Variants in CCL14 observed in about 807,000 individuals in gnomAD.
CCL14 encodes C-C motif chemokine ligand 14.
CCL14 carries 8 observed loss-of-function variants against 8.2 expected under a neutral mutation model. The observed-to-expected ratio is 0.98, with a 90% CI of 0.57 to 1.76. The LOEUF (loss-of-function observed/expected upper bound fraction) is 1.76, where lower values mean the gene tolerates loss of function less well. CCL14 is among the 40% of genes most tolerant of loss of function. The pLI, the probability that CCL14 is intolerant of heterozygous loss-of-function variation, is 0.00. For synonymous variants in CCL14, 50 were observed against 43.2 expected (o/e 1.16, Z -0.62); for missense variants, 127 against 118.3 (o/e 1.07, Z -0.34).
intron 1 of CCL14, 48 bp downstream of exon 1, chr17:35,986,523 T>G (rs2089773492): frequency 6.7e-7 from 1 of 1,492,420 alleles, no homozygotes. Context: ...CTCCTGCTTA[T>G]TTCCCTGCAG....
intron 1 of CCL14, 46 bp from the exon 2 acceptor site, chr17:35,984,498 G>C (rs911919263): frequency 1.6e-6 from 2 of 1,256,438 alleles, no homozygotes; most frequent in Non-Finnish European, 2.3e-6. Context: ...CTTGTTAAAG[G>C]CCATACCATT....
Position 35,983,806 on chromosome 17 carries a change from TCTC to T in CCL14, c.274_276del (p.Glu92del), listed in dbSNP as rs767346222. The T allele has an allele frequency of 1.9e-6, 3 of 1,612,306 alleles. No individual in the cohort carries two copies. The highest frequency in any genetic ancestry group is 2.2e-5 in the South Asian group (2 of 91,020). ...CGCCACCCCTTCTGGGTCACTCAGT[TCTC>T]CTTCATGTCCTTGATATAGTCCTGG... On this transcript the variant is annotated inframe_deletion, in exon 3 of 3. Transcript: ENST00000618404.
rs144484477 is a variant in CCL14 at position 35,985,668 on chromosome 17, C to T, written c.79+903G>A. On this transcript the variant is annotated intron_variant, in intron 1 of 2. Coordinates refer to ENST00000618404, the MANE Select transcript of CCL14 (RefSeq NM_032963.4). Reference sequence around the variant, plus strand: ...GGGCCCCTGTTTCCTGAGACCCAGTCAGAGCTCCTATACTCTCCCACCTTG... The same window carrying T: ...GGGCCCCTGTTTCCTGAGACCCAGTTAGAGCTCCTATACTCTCCCACCTTG... The T allele has an allele frequency of 4.1e-4, 521 of 1,261,852 alleles. 5 individuals are homozygous for T. In the African/African-American group the frequency reaches 7.0e-3, roughly 17 times the overall value. The allele number at this position is 1,261,852 out of a possible 1,614,324, so 78.2% of individuals were successfully genotyped here.
At chr17:35,984,978 C>T (rs2089740449) in intron 1 of CCL14, 1 of 173,716 alleles carries the variant, frequency 5.8e-6, no homozygotes, top group African/African-American at 2.4e-5. Context: ...AGCAGGATGC[C>T]CACAGCAAGC....
In CCL14 at chr17:35,985,589, T is replaced by A. The variant is rs180746451; in HGVS notation, c.79+982A>T. 9.7e-4 allele frequency: 626 copies of A among 645,782 alleles called. 4 individuals carry two copies. In the African/African-American group the frequency reaches 0.01, roughly 10 times the overall value. 40.0% of individuals were successfully genotyped at this position (645,782 alleles called of 1,614,324 possible). On this transcript the variant is annotated intron_variant, in intron 1 of 2. Coordinates refer to ENST00000618404, the MANE Select transcript of CCL14 (RefSeq NM_032963.4). ...ATGTCTGGGTGGAAGGGTCTCATCCTGTTTTCCAGCTCCATTCCAGGCAGC... is the reference window on the plus strand; with the variant it reads ...ATGTCTGGGTGGAAGGGTCTCATCCAGTTTTCCAGCTCCATTCCAGGCAGC...
rs1431832421 is a variant in CCL14, at chr17:35,983,635, G to A, written c.*166C>T. 1.8e-5 allele frequency: 11 copies of A among 610,708 alleles called. 1 individual carries two copies. Among genetic ancestry groups the A allele is most frequent in the South Asian group, 4.0e-5 (2 of 49,600 alleles). 37.8% of individuals were successfully genotyped at this position (610,708 alleles called of 1,614,324 possible). ...AGTGCATGGCCAATGAGTAAATCCCGTAGAAAGGAATGAGGCCAGGGAAGA... is the reference window on the plus strand; with the variant it reads ...AGTGCATGGCCAATGAGTAAATCCCATAGAAAGGAATGAGGCCAGGGAAGA... On this transcript the variant is annotated 3_prime_UTR_variant, in exon 3 of 3. Transcript: ENST00000618404.
intron 1 of CCL14, chr17:35,984,831 A>G (rs2089737073): frequency 2.4e-6 from 1 of 411,736 alleles, no homozygotes. Context: ...TATTCGGGAA[A>G]GGTGCTCCAA....
intron 1 of CCL14, chr17:35,986,047 T>C: frequency 1.9e-6 from 1 of 515,704 alleles, no homozygotes; most frequent in Non-Finnish European, 3.4e-6. Flanking sequence ...GCTCCTAATC[T>C]CCCTGAGGAA....
At chr17:35,986,031 G>T in intron 1 of CCL14, 1 of 548,392 alleles carries the variant, frequency 1.8e-6, no homozygotes, top group Non-Finnish European at 3.2e-6. Context: ...AGGGGCTCAA[G>T]ACACTGCTCC....
intron 1 of CCL14, chr17:35,986,107 AG>A: frequency 2.3e-6 from 1 of 432,996 alleles, no homozygotes; most frequent in Non-Finnish European, 4.1e-6. Context: ...GCAAAGAGAG[AG>A]AAATTGAGGG....
At chr17:35,986,218 G>A (rs1205451589) in intron 1 of CCL14, 2 of 363,896 alleles carry the variant, frequency 5.5e-6, no homozygotes, top group African/African-American at 4.2e-5. Flanking sequence ...GAGGCCTGGA[G>A]ATTCAGGATC....
chr17:35,984,563 C>G (rs1290307556), intron 1 of CCL14, 111 bp from the exon 2 acceptor site: 1 of 714,196 alleles, frequency 1.4e-6, no homozygotes, highest in South Asian at 1.5e-5. Flanking sequence ...GAGACAGCCC[C>G]TCAGAACTTG....
At position 35,983,862 on chromosome 17, in the gene CCL14, A is replaced by G; in HGVS notation, c.221T>C (p.Val74Ala). ...CCACTTGTCACTGGGGTTGGTACAG[A>G]CGGAATGGCCCCTTTTGGTGATGAA... ...IVFITKRGHS[V>A]CTNPSDKWVQ... The change falls in exon 3 of 3, where the codon GTC (valine) becomes GCC (alanine). Residue 74 changes from valine to alanine, a missense_variant. Coordinates refer to ENST00000618404, the MANE Select transcript of CCL14 (RefSeq NM_032963.4). 6.2e-7 allele frequency: 1 copy of G among 1,614,026 alleles called. No homozygotes were observed. The highest frequency in any genetic ancestry group is 1.7e-4 in the Middle Eastern group (1 of 6,054).
chr17:35,984,455 G>A lies in CCL14; in HGVS notation c.80-3C>T. 3.1e-6 allele frequency: 5 copies of A among 1,603,046 alleles called. No individual in the cohort carries two copies. The highest frequency in any genetic ancestry group is 4.3e-6 in the Non-Finnish European group (5 of 1,170,784). ...CTCTGAGGGGTGGTAAGGTCCCCCT[G>A]AGGAGAGAGCATCAGATGCTGAGGA... On this transcript the variant is annotated splice_polypyrimidine_tract_variant and splice_region_variant and intron_variant, in intron 1 of 2. Transcript: ENST00000618404.
chr17:35,986,100 AAG>A (rs2089763276), intron 1 of CCL14: 1 of 432,294 alleles, frequency 2.3e-6, no homozygotes, highest in East Asian at 4.2e-5. Context: ...CTTAGCGGCA[AAG>A]AGAGAGAAAT....
chr17:35,985,895 G>T, intron 1 of CCL14: 1 of 944,120 alleles, frequency 1.1e-6, no homozygotes. Context: ...GGGGGCCTAG[G>T]ATGGACCCCA....
intron 1 of CCL14, 100 bp from the exon 2 acceptor site, chr17:35,984,552 G>C: frequency 2.7e-6 from 2 of 748,352 alleles, no homozygotes; most frequent in Non-Finnish European, 2.4e-6. Flanking sequence ...GAAGGAAGGA[G>C]GAGACAGCCC....
At chr17:35,986,355 G>A (rs547632175) in intron 1 of CCL14, 1 of 572,856 alleles carries the variant, frequency 1.7e-6, no homozygotes, top group East Asian at 2.8e-5. Flanking sequence ...ACAGTCCTAA[G>A]TCTCATCTCC....
chr17:35,985,636 G>T, intron 1 of CCL14: 2 of 873,654 alleles, frequency 2.3e-6, no homozygotes, highest in South Asian at 1.5e-5. Flanking sequence ...CCAAAGAACG[G>T]CATAAGGGGC....
Sources: allele counts gnomAD v4.1 joint callset, GRCh38; gene constraint gnomAD v4.1.1; transcripts MANE v1.5; gene names NCBI Gene and HGNC (gene_info 2026-07-23, HGNC 2026-07-21).